ASTN2: variants seen among roughly 807,000 people sequenced by gnomAD.
The protein encoded by ASTN2 is astrotactin-2.
ASTN2 carries 54 observed loss-of-function variants against 139.8 expected under a neutral mutation model. The observed-to-expected ratio is 0.39, with a 90% CI of 0.31 to 0.48. ASTN2 has a LOEUF of 0.48. Ranked by LOEUF, ASTN2 falls within the 20% of genes least tolerant of loss-of-function variation. ASTN2 has a pLI of 0.95. For missense variants in ASTN2, 1,565 were observed against 1,725.1 expected, an observed-to-expected ratio of 0.91 and a Z score of 1.64; for synonymous variants, 756 against 719.5, an observed-to-expected ratio of 1.05 and a Z score of -0.81.
chr9:117,290,555 C>A (rs1834562532), intron 2 of ASTN2, among the ~76,000 whole-genome samples: 1 of 152,174 alleles, frequency 6.6e-6, no homozygotes, highest in Non-Finnish European at 1.5e-5. Context: ...ATTCGCTGGA[C>A]CTCATCCATT....
rs146522595 is a variant in ASTN2 at position 117,214,422 on chromosome 9, C to T, written c.951G>A (p.Gln317=). ...CCAGACTGTCCAGAGTGTGGGTCAC[C>T]TGGCTGCCAAACTCGTCCTCGCGGG... is the stretch of plus-strand genomic sequence containing the variant. ...HVSREDEFGS[Q]VTHTLDSLGH... The change falls in exon 3 of 23, where the codon CAG becomes CAA. Residue 317 remains glutamine (Q), a synonymous_variant. Transcript: ENST00000313400. The T allele has an allele frequency of 6.2e-7, 1 of 1,613,964 alleles. No individual in the cohort carries two copies. The highest frequency in any genetic ancestry group is 8.5e-7 in the Non-Finnish European group (1 of 1,179,924).
intron 13 of ASTN2, among the ~76,000 whole-genome samples, chr9:116,754,678 A>G (rs887262731): frequency 9.9e-5 from 15 of 152,194 alleles, no homozygotes; most frequent in Non-Finnish European, 2.9e-5. Context: ...CCTTTTACAG[A>G]AAAAGTTTGG....
intron 4 of ASTN2, among the ~76,000 whole-genome samples, chr9:117,127,874 GT>G (rs1283140024): frequency 6.6e-6 from 1 of 151,736 alleles, no homozygotes; most frequent in Non-Finnish European, 1.5e-5. Flanking sequence ...TAGAGATGGG[GT>G]TTCACTGTTT....
At chr9:116,977,715 C>CTTTTTT (rs386416041) in intron 7 of ASTN2, among the ~76,000 whole-genome samples, 1 of 122,190 alleles carries the variant, frequency 8.2e-6, no homozygotes, top group African/African-American at 3.0e-5. Context: ...ATTTCTTTTT[C>CTTTTTT]TTTTTTTTTT....
intron 18 of ASTN2, among the ~76,000 whole-genome samples, chr9:116,618,876 CT>C (rs1339140065): frequency 6.6e-6 from 1 of 151,972 alleles, no homozygotes; most frequent in Non-Finnish European, 1.5e-5. Flanking sequence ...TACTAGCTAA[CT>C]TTTTAATATC....
intron 16 of ASTN2, among the ~76,000 whole-genome samples, chr9:116,719,986 C>T (rs1270537635): frequency 5.9e-5 from 9 of 152,102 alleles, no homozygotes; most frequent in Admixed American, 2.6e-4. Flanking sequence ...AGAACAACTC[C>T]GTTCATATCT....
intron 11 of ASTN2, among the ~76,000 whole-genome samples, chr9:116,861,600 C>G (rs1832884528): frequency 6.6e-6 from 1 of 152,180 alleles, no homozygotes; most frequent in South Asian, 2.1e-4. Context: ...CCCAGTTTTT[C>G]TTGAGAGTCT....
chr9:116,582,670 A>T (rs1853997828), intron 19 of ASTN2: 1 of 152,230 alleles, frequency 6.6e-6, no homozygotes, highest in African/African-American at 2.4e-5. Flanking sequence ...TGTGCACGAA[A>T]CTGTGTAAAC....
chr9:116,564,894 T>C (rs1853104292), intron 19 of ASTN2, among the ~76,000 whole-genome samples: 1 of 152,106 alleles, frequency 6.6e-6, no homozygotes, highest in South Asian at 2.1e-4. Context: ...TCAACTCAGG[T>C]ATTGTAAGGG....
chr9:117,001,578 A>T (rs1837191722), intron 7 of ASTN2, among the ~76,000 whole-genome samples: 1 of 152,148 alleles, frequency 6.6e-6, no homozygotes, highest in Non-Finnish European at 1.5e-5. Flanking sequence ...CAGAGGGTGC[A>T]GTACAACTAA....
rs147245420 is a variant in ASTN2 at position 116,808,145 on chromosome 9, A to C, written c.2208-2325T>G. Among the ~76,000 whole-genome samples the C allele has an allele frequency of 3.9e-5, 6 of 152,174 alleles. No homozygotes were observed. The East Asian group carries it at 1.2e-3, about 29-fold the overall frequency. The stretch of plus-strand genomic sequence containing the variant: ...AAAACAAAACAAAACAAGACAAAAA[A>C]ACCATTATCAAAGTCTATAGAGTAA... On this transcript the variant is annotated intron_variant, in intron 12 of 22. Transcript: ENST00000313400.
intron 19 of ASTN2, among the ~76,000 whole-genome samples, chr9:116,504,107 T>C (rs1850003190): frequency 6.6e-6 from 1 of 152,192 alleles, no homozygotes; most frequent in African/African-American, 2.4e-5. Context: ...TGCTAGCCTA[T>C]AGGGTGCCTC....
chr9:117,315,162 C>T (rs1828104439), intron 1 of ASTN2, among the ~76,000 whole-genome samples: 2 of 152,026 alleles, frequency 1.3e-5, no homozygotes, highest in Admixed American at 1.3e-4. Flanking sequence ...TTACACCTCC[C>T]TAAATGACCT....
chr9:116,811,589 C>T (rs1308439179), intron 12 of ASTN2, among the ~76,000 whole-genome samples: 1 of 152,122 alleles, frequency 6.6e-6, no homozygotes, highest in Non-Finnish European at 1.5e-5. Flanking sequence ...ACAGGTTGTG[C>T]CATCTACCAG....
intron 7 of ASTN2, among the ~76,000 whole-genome samples, chr9:117,000,996 G>C (rs770525682): frequency 6.6e-6 from 1 of 152,136 alleles, no homozygotes; most frequent in Admixed American, 6.5e-5. Context: ...CCTGTGGGTG[G>C]CACTAATTGT....
intron 16 of ASTN2, chr9:116,697,697 TGTTCA>T (rs1301084122): frequency 6.2e-7 from 1 of 1,611,522 alleles, no homozygotes. Flanking sequence ...AATACTGTGC[TGTTCA>T]GTTCTGAGCT....
intron 4 of ASTN2, among the ~76,000 whole-genome samples, chr9:117,122,862 C>T (rs1157957969): frequency 6.6e-6 from 1 of 152,132 alleles, no homozygotes; most frequent in African/African-American, 2.4e-5. Context: ...TGTCCCAATT[C>T]CCCGGAGCCT....
At chr9:117,027,784 A>T (rs1222140599) in intron 6 of ASTN2, among the ~76,000 whole-genome samples, 2 of 152,082 alleles carry the variant, frequency 1.3e-5, no homozygotes, top group African/African-American at 4.8e-5. Flanking sequence ...CTATATAGTT[A>T]TCCTAACATT....
intron 22 of ASTN2, among the ~76,000 whole-genome samples, chr9:116,432,487 G>A (rs1329361957): frequency 6.6e-6 from 1 of 152,128 alleles, no homozygotes; most frequent in Non-Finnish European, 1.5e-5. Context: ...ACAATTCTCT[G>A]TTGCCTAACC....
Sources: gnomAD v4.1 joint callset for allele counts (sites outside exome capture counted in the v4.1 genomes callset) on GRCh38, gnomAD v4.1.1 for gene constraint, MANE v1.5 for transcripts, NCBI Gene and HGNC (gene_info 2026-07-23, HGNC 2026-07-21) for gene names.